The following AFF3 variants were observed in gnomAD, a reference collection of about 807,000 sequenced individuals.
The protein encoded by AFF3 is ALF transcription elongation factor 3, also known as AF4/FMR2 family member 3.
In AFF3, 32 loss-of-function variants were observed where a neutral mutation model predicts 129.7. The ratio of observed to expected loss-of-function variants is 0.25; its 90% CI spans 0.19 to 0.33. AFF3 has a LOEUF of 0.33. AFF3 is among the 10% of genes least tolerant of loss of function. AFF3 has a pLI of 1.00. For synonymous variants in AFF3, 644 were observed against 635.4 expected, an observed-to-expected ratio of 1.01 and a Z score of -0.20; for missense variants, 1,373 against 1,592.0, an observed-to-expected ratio of 0.86 and a Z score of 2.34.
At chr2:99,757,434 T>C (rs1682205550) in intron 8 of AFF3, among the ~76,000 whole-genome samples, 1 of 152,210 alleles carries the variant, frequency 6.6e-6, no homozygotes, top group Admixed American at 6.5e-5. Context: ...TCTCTTTCAC[T>C]CCCTCTCTCA....
chr2:99,663,289 T>C (rs1242597178), intron 12 of AFF3, among the ~76,000 whole-genome samples: 1 of 152,154 alleles, frequency 6.6e-6, no homozygotes, highest in Non-Finnish European at 1.5e-5. Flanking sequence ...GAGCACAGAA[T>C]TGAGATGGGA....
chr2:100,059,200 C>G (rs1008607737), intron 4 of AFF3, among the ~76,000 whole-genome samples: 1 of 130,672 alleles, frequency 7.7e-6, no homozygotes, highest in African/African-American at 3.1e-5. Flanking sequence ...CTACAGTGAA[C>G]CAAGATCGTG....
At chr2:100,118,081 A>G (rs1691798068) in intron 2 of AFF3, among the ~76,000 whole-genome samples, 2 of 152,024 alleles carry the variant, frequency 1.3e-5, no homozygotes, top group Non-Finnish European at 2.9e-5. Context: ...TAAACACCAC[A>G]TTTACTTCCT....
At chr2:100,013,908 G>A (rs1379700253) in intron 4 of AFF3, among the ~76,000 whole-genome samples, 1 of 152,090 alleles carries the variant, frequency 6.6e-6, no homozygotes, top group Non-Finnish European at 1.5e-5. Context: ...GGCTACTGAT[G>A]TCACTATTTT....
intron 2 of AFF3, among the ~76,000 whole-genome samples, chr2:100,122,264 T>C (rs1007049619): frequency 2.0e-5 from 3 of 152,214 alleles, no homozygotes; most frequent in African/African-American, 7.2e-5. Flanking sequence ...GAGCCCATCT[T>C]TTAATTTTGT....
chr2:99,849,342 C>A (rs1689968246), intron 7 of AFF3, among the ~76,000 whole-genome samples: 1 of 152,184 alleles, frequency 6.6e-6, no homozygotes, highest in South Asian at 2.1e-4. Flanking sequence ...AATGTCCTAG[C>A]TCTTCCCTAA....
At chr2:99,787,576 T>G (rs566484006) in intron 8 of AFF3, among the ~76,000 whole-genome samples, 49 of 152,300 alleles carry the variant, frequency 3.2e-4, no homozygotes, top group African/African-American at 1.1e-3. Context: ...AATCATTTAG[T>G]CACTTAATCA....
At chr2:99,996,878 T>G (rs1407519455) in intron 7 of AFF3, among the ~76,000 whole-genome samples, 1 of 152,152 alleles carries the variant, frequency 6.6e-6, no homozygotes, top group African/African-American at 2.4e-5. Context: ...TCCATGTTAC[T>G]AAGCCTAACA....
At chr2:100,065,417 C>G (rs1687633933) in intron 4 of AFF3, among the ~76,000 whole-genome samples, 1 of 152,100 alleles carries the variant, frequency 6.6e-6, no homozygotes, top group Admixed American at 6.5e-5. Flanking sequence ...TAAACAGAAA[C>G]ACAAGTACGA....
chr2:100,000,513 C>T (rs1011945088), intron 7 of AFF3, among the ~76,000 whole-genome samples: 4 of 85,864 alleles, frequency 4.7e-5, no homozygotes, highest in Non-Finnish European at 1.0e-4. Context: ...AGCACGCGCG[C>T]ACACACACAC....
intron 4 of AFF3, among the ~76,000 whole-genome samples, chr2:100,033,941 C>T (rs191279841): frequency 2.0e-3 from 308 of 152,314 alleles, no homozygotes; most frequent in Middle Eastern, 6.8e-3. Flanking sequence ...CACCACAGTA[C>T]ATAAATCATG....
At chr2:99,605,434 G>A (rs1380390914) in intron 13 of AFF3, among the ~76,000 whole-genome samples, 1 of 152,206 alleles carries the variant, frequency 6.6e-6, no homozygotes, top group Non-Finnish European at 1.5e-5. Flanking sequence ...GGTAGCTCCA[G>A]TTGTGGGATC....
chr2:99,833,296 C>T (rs1688638243), intron 8 of AFF3, among the ~76,000 whole-genome samples: 1 of 152,144 alleles, frequency 6.6e-6, no homozygotes, highest in African/African-American at 2.4e-5. Context: ...CCTTTATTTG[C>T]CTCAAGTTTG....
chr2:99,575,953 A>G (rs1320708158), intron 18 of AFF3, among the ~76,000 whole-genome samples: 1 of 152,164 alleles, frequency 6.6e-6, no homozygotes, highest in Non-Finnish European at 1.5e-5. Context: ...GCTCACGCCT[A>G]TAATCCTGCA....
chr2:99,654,059 T>C (rs1685530124), intron 12 of AFF3, among the ~76,000 whole-genome samples: 1 of 152,140 alleles, frequency 6.6e-6, no homozygotes, highest in South Asian at 2.1e-4. Flanking sequence ...TTTTTGTATT[T>C]AGTAGAGACG....
chr2:99,964,225 AT>A (rs1344249367), intron 7 of AFF3, among the ~76,000 whole-genome samples: 2 of 152,160 alleles, frequency 1.3e-5, no homozygotes, highest in East Asian at 3.8e-4. Flanking sequence ...CAGCAAGGAT[AT>A]AGAAGAAATG....
chr2:100,105,730 C>T (rs973823386), intron 2 of AFF3, 147 bp from the exon 3 acceptor site: 6 of 1,363,136 alleles, frequency 4.4e-6, no homozygotes, highest in Non-Finnish European at 5.9e-6. Context: ...TGCTTCTCCA[C>T]AGTTGGCCTA....
At position 99,593,196 on chromosome 2, in the gene AFF3, T is replaced by C; in HGVS notation, c.2465A>G (p.Lys822Arg). Residue 822 changes from lysine to arginine, a missense_variant and splice_region_variant, in exon 15 of 25, where the codon AAG becomes AGG. By Grantham distance (26) the Lys-to-Arg change is conservative. Coordinates refer to ENST00000672756, the MANE Select transcript of AFF3 (RefSeq NM_001386135.1). ...CACCCCAGTCAGCCCCAGGCCTACC[T>C]TGCGTTTCCTCTTGGATTTTGGCAA... is the stretch of plus-strand genomic sequence containing the variant. ...KALPKSKRKR[K>R]CDNEDDYREI... 1 of 1,572,606 alleles carries C rather than the reference T, an allele frequency of 6.4e-7. No homozygotes were observed. The highest frequency in any genetic ancestry group is 8.6e-7 in the Non-Finnish European group (1 of 1,157,086).
intron 4 of AFF3, among the ~76,000 whole-genome samples, chr2:100,042,102 G>C (rs1423654588): frequency 6.6e-6 from 1 of 151,710 alleles, no homozygotes; most frequent in Non-Finnish European, 1.5e-5. Context: ...CACTCATTCT[G>C]CCCTGCCACA....
Sources: allele counts gnomAD v4.1 joint callset (sites outside exome capture counted in the v4.1 genomes callset), GRCh38; gene constraint gnomAD v4.1.1; transcripts MANE v1.5; gene names NCBI Gene and HGNC (gene_info 2026-07-23, HGNC 2026-07-21).